AKR1E2: variants seen among roughly 807,000 people sequenced by gnomAD.
AKR1E2 encodes the protein aldo-keto reductase family 1 member E2, also known as 1,5-anhydro-D-fructose reductase.
AKR1E2 carries 43 observed loss-of-function variants against 41.9 expected under a neutral mutation model. The observed-to-expected ratio is 1.03, with a 90% CI of 0.80 to 1.32. The LOEUF (loss-of-function observed/expected upper bound fraction) is 1.32. Ranked by LOEUF, AKR1E2 falls within the 40% of genes most tolerant of loss-of-function variation. The probability of loss-of-function intolerance (pLI) is 0.00; values close to 1 mark genes in which losing one functional copy is unlikely to be tolerated. For synonymous variants in AKR1E2, 121 were observed against 138.9 expected, an observed-to-expected ratio of 0.87 and a Z score of 0.91; for missense variants, 423 against 396.5, an observed-to-expected ratio of 1.07 and a Z score of -0.57.
chr10:4,856,550 A>G, the AKR1E2 span, among the ~76,000 whole-genome samples: 1 of 152,242 alleles, frequency 6.6e-6, no homozygotes, highest in East Asian at 1.9e-4. Flanking sequence ...CTAATGCAAC[A>G]GTGACAGTTG....
the AKR1E2 span, among the ~76,000 whole-genome samples, chr10:4,857,455 CT>C: frequency 6.6e-6 from 1 of 152,196 alleles, no homozygotes; most frequent in Non-Finnish European, 1.5e-5. Flanking sequence ...TGAAGTGCCC[CT>C]CCCTCTTTCC....
At chr10:4,832,763 C>G (rs539024232) in intron 2 of AKR1E2, among the ~76,000 whole-genome samples, 63 of 152,122 alleles carry the variant, frequency 4.1e-4, no homozygotes, top group Non-Finnish European at 7.1e-4. Flanking sequence ...ACTTTACTTT[C>G]ATGTTTTTCC....
chr10:4,837,693 G>A (rs977238498), intron 5 of AKR1E2, 112 bp downstream of exon 5: 6 of 1,470,480 alleles, frequency 4.1e-6, no homozygotes, highest in Non-Finnish European at 5.5e-6. Context: ...AAACAGGCCT[G>A]TTCTCCTCTG....
chr10:4,844,884 A>T (rs1001127881), intron 8 of AKR1E2, among the ~76,000 whole-genome samples: 8 of 152,210 alleles, frequency 5.3e-5, no homozygotes, highest in Non-Finnish European at 1.2e-4. Flanking sequence ...CCGCAGGTGA[A>T]GGCGCCTGCC....
chr10:4,839,850 T>C, intron 6 of AKR1E2, 24 bp downstream of exon 6: 2 of 1,598,706 alleles, frequency 1.3e-6, no homozygotes, highest in Non-Finnish European at 1.7e-6. Flanking sequence ...AGTGGTGTGT[T>C]AGTCAGAGTC....
intron 2 of AKR1E2, 44 bp downstream of exon 2, chr10:4,830,886 A>G: frequency 6.2e-7 from 1 of 1,609,886 alleles, no homozygotes; most frequent in South Asian, 1.1e-5. Context: ...GGGTAATGCT[A>G]CATCTCTGGA....
intron 2 of AKR1E2, among the ~76,000 whole-genome samples, chr10:4,832,286 A>G (rs919051024): frequency 6.6e-6 from 1 of 152,208 alleles, no homozygotes; most frequent in Non-Finnish European, 1.5e-5. Flanking sequence ...TCATACCTCA[A>G]GATTCAATGT....
At chr10:4,844,137 C>T (rs557879513) in intron 8 of AKR1E2, among the ~76,000 whole-genome samples, 10 of 152,042 alleles carry the variant, frequency 6.6e-5, no homozygotes, top group African/African-American at 1.5e-4. Context: ...GTGGTGTGTC[C>T]GGAGTTTGTT....
intron 6 of AKR1E2, 68 bp from the exon 7 acceptor site, chr10:4,841,716 CT>C: frequency 5.8e-6 from 7 of 1,203,120 alleles, no homozygotes; most frequent in Non-Finnish European, 6.9e-6. Flanking sequence ...ACAAAGATTT[CT>C]TCTTTCTAAA....
the AKR1E2 span, among the ~76,000 whole-genome samples, chr10:4,871,663 T>C: frequency 6.6e-6 from 1 of 151,160 alleles, no homozygotes. Flanking sequence ...TGCAGCAGAT[T>C]AGGTTATTTC....
chr10:4,832,173 G>C (rs1413301804), intron 2 of AKR1E2, among the ~76,000 whole-genome samples: 1 of 152,194 alleles, frequency 6.6e-6, no homozygotes, highest in East Asian at 1.9e-4. Flanking sequence ...CCATTCAGGA[G>C]CTGTGAGTAT....
chr10:4,842,610 A>AG, intron 8 of AKR1E2, 106 bp downstream of exon 8: 1 of 959,750 alleles, frequency 1.0e-6, no homozygotes, highest in South Asian at 1.5e-5. Flanking sequence ...TTGATGCAAC[A>AG]GGGGCTTCTC....
the AKR1E2 span, among the ~76,000 whole-genome samples, chr10:4,860,975 T>C: frequency 2.8e-3 from 423 of 152,332 alleles, 1 homozygote; most frequent in African/African-American, 9.6e-3. Flanking sequence ...AATCATGGTA[T>C]GGTTTTCTCA....
At chr10:4,847,456 T>C in intron 9 of AKR1E2, 32 bp from the exon 10 acceptor site, 1 of 1,605,896 alleles carries the variant, frequency 6.2e-7, no homozygotes, top group Non-Finnish European at 8.5e-7. Context: ...CATTCTTTGT[T>C]CCTATTTTTG....
intron 8 of AKR1E2, chr10:4,846,284 C>T (rs4397733): frequency 0.035 from 6,293 of 179,444 alleles, 178 homozygotes; most frequent in East Asian, 0.11. Context: ...GCCACTCTGC[C>T]AGGCCGGGGT....
At chr10:4,857,744 A>G in the AKR1E2 span, among the ~76,000 whole-genome samples, 4 of 152,184 alleles carry the variant, frequency 2.6e-5, no homozygotes, top group Non-Finnish European at 2.9e-5. Context: ...ATGTGTTTCT[A>G]TGGATTTGTT....
At chr10:4,842,593 G>A (rs537846133) in intron 8 of AKR1E2, 89 bp downstream of exon 8, 60 of 1,193,922 alleles carry the variant, frequency 5.0e-5, no homozygotes, top group South Asian at 3.4e-4. Context: ...CCTCAGGGTT[G>A]CGGAGCTTGA....
At chr10:4,872,192 A>G in the AKR1E2 span, among the ~76,000 whole-genome samples, 1 of 152,214 alleles carries the variant, frequency 6.6e-6, no homozygotes, top group Non-Finnish European at 1.5e-5. Flanking sequence ...GTCATTCTAC[A>G]GCTTGAGGAG....
chr10:4,825,510 G>T (rs966902768), upstream of AKR1E2, among the ~76,000 whole-genome samples: 1 of 152,114 alleles, frequency 6.6e-6, no homozygotes, highest in Admixed American at 6.5e-5. Context: ...AAGCAAGGAC[G>T]CTCCCCTCTA....
Sources: gnomAD v4.1 joint callset for allele counts (sites outside exome capture counted in the v4.1 genomes callset) on GRCh38, gnomAD v4.1.1 for gene constraint, MANE v1.5 for transcripts, NCBI Gene and HGNC (gene_info 2026-07-23, HGNC 2026-07-21) for gene names.